PUDP: variants seen among roughly 807,000 people sequenced by gnomAD.
PUDP encodes pseudouridine-5'-phosphatase.
A neutral mutation model predicts 9.4 loss-of-function variants in PUDP; 8 were observed. The ratio of observed to expected loss-of-function variants is 0.85; its 90% CI spans 0.50 to 1.53. The LOEUF (loss-of-function observed/expected upper bound fraction) is 1.53, where lower values mean the gene tolerates loss of function less well. PUDP is among the 40% of genes most tolerant of loss of function. PUDP has a pLI of 0.00. For synonymous variants in PUDP, 99 were observed against 80.7 expected, an observed-to-expected ratio of 1.23 and a Z score of -1.22; for missense variants, 188 against 189.7, an observed-to-expected ratio of 0.99 and a Z score of 0.05.
intron 1 of PUDP, among the ~76,000 whole-genome samples, chrX:7,131,330 C>G (rs1283733749): frequency 1.8e-5 from 2 of 111,117 alleles, no homozygotes; most frequent in Non-Finnish European, 3.8e-5. Flanking sequence ...TGTCCACGTC[C>G]TAATCCCTAG....
chrX:6,890,186 G>A (rs1927491997), intron 3 of PUDP, among the ~76,000 whole-genome samples: 1 of 111,937 alleles, frequency 8.9e-6, no homozygotes. Context: ...GGCAGACCAA[G>A]TATGCATCGC....
chrX:6,876,639 A>ATGTGTGTGTGTGTG (rs111935866), intron 3 of PUDP, among the ~76,000 whole-genome samples: 10 of 92,816 alleles, frequency 1.1e-4, no homozygotes, highest in East Asian at 3.8e-4. Context: ...CTAAAATGTT[A>ATGTGTGTGTGTGTG]TGTGTGTGTG....
chrX:6,860,134 G>A (rs920325206), intron 3 of PUDP, among the ~76,000 whole-genome samples: 1 of 111,383 alleles, frequency 9.0e-6, no homozygotes, highest in Admixed American at 9.5e-5. Flanking sequence ...TCAGTTTCAA[G>A]CCCATGTTCT....
rs1052889294 is a variant in PUDP, at chrX:6,822,410, C to T, written c.*248-115944G>A. On this transcript the variant is annotated intron_variant and NMD_transcript_variant, in intron 3 of 3. Coordinates refer to the PUDP transcript ENST00000655425. ...CCCCTCTTCATCAAACCTAAACAAG[C>T]GTGAAAACTTGCAGGTTTCCCTGTT... is the stretch of plus-strand genomic sequence containing the variant. Among the ~76,000 whole-genome samples the T allele has an allele frequency of 6.3e-5, 7 of 111,700 alleles. No individual in the cohort carries two copies. In the East Asian group the frequency reaches 1.2e-3, roughly 19 times the overall value.
intron 3 of PUDP, among the ~76,000 whole-genome samples, chrX:6,731,643 C>G (rs964397612): frequency 9.1e-6 from 1 of 109,811 alleles, no homozygotes; most frequent in Non-Finnish European, 1.9e-5. Context: ...AATGTACAAA[C>G]AGGTTCATAT....
In PUDP at chrX:6,869,349, T is replaced by A. The variant is rs190302477; in HGVS notation, c.*247+107784A>T. Among the ~76,000 whole-genome samples, 3 of 112,050 alleles carry A rather than the reference T, an allele frequency of 2.7e-5. No individual in the cohort carries two copies. In the Admixed American group the frequency reaches 2.9e-4, roughly 11 times the overall value. Reference sequence around the variant, plus strand: ...ACGGCCTCAATGAGGAAGACTCCAATGAATGGGAGTGACCTGAAAAACTGG... The same window carrying A: ...ACGGCCTCAATGAGGAAGACTCCAAAGAATGGGAGTGACCTGAAAAACTGG... On this transcript the variant is annotated intron_variant and NMD_transcript_variant, in intron 3 of 3. Coordinates refer to the PUDP transcript ENST00000655425.
intron 1 of PUDP, among the ~76,000 whole-genome samples, chrX:7,118,391 A>C (rs745342471): frequency 6.2e-5 from 7 of 112,161 alleles, no homozygotes; most frequent in African/African-American, 2.3e-4. Flanking sequence ...GTTTTCTGCA[A>C]TCTCCATCCA....
At chrX:7,099,814 GC>G in intron 2 of PUDP, among the ~76,000 whole-genome samples, 1 of 112,190 alleles carries the variant, frequency 8.9e-6, no homozygotes, top group Middle Eastern at 4.6e-3. Flanking sequence ...TAATCAGGGG[GC>G]TGATTCCTTG....
intron 3 of PUDP, among the ~76,000 whole-genome samples, chrX:6,802,936 T>A (rs868342346): frequency 8.2e-3 from 28 of 3,432 alleles, no homozygotes; most frequent in African/African-American, 0.032. Flanking sequence ...CATAAAATAA[T>A]AAAATAAAAT....
rs752237338 is a variant in PUDP, at chrX:6,899,258, T to C, written c.*247+77875A>G. On this transcript the variant is annotated intron_variant and NMD_transcript_variant, in intron 3 of 3. Transcript: ENST00000655425. Reference sequence around the variant, plus strand: ...CTTCAAGTCTTTGTTTTCCTGTCTATACAATCATCATCATAATACATACTT... The same window carrying C: ...CTTCAAGTCTTTGTTTTCCTGTCTACACAATCATCATCATAATACATACTT... Among the ~76,000 whole-genome samples the C allele has an allele frequency of 3.5e-5, 4 of 112,916 alleles. No individual in the cohort carries two copies. The East Asian group carries it at 1.1e-3, about 31-fold the overall frequency.
At chrX:7,062,385 G>A (rs1222274054) in intron 3 of PUDP, among the ~76,000 whole-genome samples, 1 of 111,712 alleles carries the variant, frequency 9.0e-6, no homozygotes, top group Non-Finnish European at 1.9e-5. Flanking sequence ...TGGGTTTAGG[G>A]AAGATGACTC....
intron 3 of PUDP, among the ~76,000 whole-genome samples, chrX:6,907,680 G>A (rs754481843): frequency 9.0e-6 from 1 of 111,312 alleles, no homozygotes; most frequent in Non-Finnish European, 1.9e-5. Context: ...GGTCTACTCT[G>A]GGGTTTTTCA....
chrX:6,736,043 AAAAG>A (rs1209615568), intron 3 of PUDP, among the ~76,000 whole-genome samples: 1 of 109,868 alleles, frequency 9.1e-6, no homozygotes, highest in East Asian at 2.8e-4. Flanking sequence ...AAAAAAAAAA[AAAAG>A]AAGCAAGAAA....
rs1260842664 is a variant in PUDP at position 6,980,164 on chromosome X, CCCCT to C, written c.205-1825_205-1822del. 4.3e-5 allele frequency among the ~76,000 whole-genome samples: 4 copies of C among 92,836 alleles called. No homozygotes were observed. In the South Asian group the frequency reaches 2.3e-3, roughly 53 times the overall value. 80.6% of individuals were successfully genotyped at this position (92,836 alleles called of 115,157 possible). A position where few individuals can be genotyped will look rare whatever the true frequency, so the allele number is the denominator to read the frequency against. On this transcript the variant is annotated intron_variant and NMD_transcript_variant, in intron 1 of 3. Transcript: ENST00000655425. Reference sequence around the variant, plus strand: ...CTCCTCTCCTCCCTTCCTCTCCCCTCCCCTCCCTCCCTCCCTTCTTCCTTCCTTC... The same window carrying C: ...CTCCTCTCCTCCCTTCCTCTCCCCTCCCCTCCCTCCCTTCTTCCTTCCTTC...
At chrX:7,117,718 T>C (rs1932235235) in intron 1 of PUDP, among the ~76,000 whole-genome samples, 1 of 112,807 alleles carries the variant, frequency 8.9e-6, no homozygotes, top group Non-Finnish European at 1.9e-5. Flanking sequence ...AATTTGCATA[T>C]CTAAAAAGGA....
intron 3 of PUDP, among the ~76,000 whole-genome samples, chrX:6,820,082 T>C (rs767934371): frequency 2.8e-4 from 30 of 108,931 alleles, no homozygotes; most frequent in South Asian, 8.3e-4. Flanking sequence ...CTCAGAATCA[T>C]GGCAGGAGGC....
intron 3 of PUDP, among the ~76,000 whole-genome samples, chrX:7,051,850 T>A (rs1004855191): frequency 8.9e-6 from 1 of 112,352 alleles, no homozygotes; most frequent in African/African-American, 3.2e-5. Context: ...TGATGCTTTT[T>A]AACTGAGACT....
intron 1 of PUDP, among the ~76,000 whole-genome samples, chrX:6,997,923 G>GGCTCATTTT (rs1159057990): frequency 8.9e-6 from 1 of 111,987 alleles, no homozygotes; most frequent in African/African-American, 3.2e-5. Flanking sequence ...AGTCAGAATG[G>GGCTCATTTT]GCTCATTTTG....
At chrX:6,827,111 G>T (rs1926434709) in intron 3 of PUDP, among the ~76,000 whole-genome samples, 1 of 111,923 alleles carries the variant, frequency 8.9e-6, no homozygotes, top group African/African-American at 3.2e-5. Flanking sequence ...AATGTGGCTG[G>T]GCTGAGGTTG....
Sources: gnomAD v4.1 joint callset for allele counts (sites outside exome capture counted in the v4.1 genomes callset) on GRCh38, gnomAD v4.1.1 for gene constraint, MANE v1.5 for transcripts, NCBI Gene and HGNC (gene_info 2026-07-23, HGNC 2026-07-21) for gene names.